TRIM14: variants seen among roughly 807,000 people sequenced by gnomAD.
TRIM14 encodes the protein tripartite motif containing 14.
TRIM14 carries 28 observed loss-of-function variants against 44.5 expected under a neutral mutation model. The observed-to-expected ratio is 0.63, with a 90% CI of 0.47 to 0.86. The LOEUF is 0.86. Ranked by LOEUF, TRIM14 falls within the 40% of genes least tolerant of loss-of-function variation. The pLI, the probability that TRIM14 is intolerant of heterozygous loss-of-function variation, is 0.00. For synonymous variants in TRIM14, 299 were observed against 269.2 expected (o/e 1.11, Z -1.08); for missense variants, 607 against 611.1 (o/e 0.99, Z 0.07).
chr9:98,080,085 G>C (rs1346455503), downstream of TRIM14, among the ~76,000 whole-genome samples: 1 of 152,166 alleles, frequency 6.6e-6, no homozygotes, highest in East Asian at 1.9e-4. Context: ...GTGGTGGCGG[G>C]CACCCATAGT....
At position 98,085,721 on chromosome 9, in the gene TRIM14, G is replaced by A. The variant is rs1825751729; in HGVS notation, c.*1749C>T. On this transcript the variant is annotated 3_prime_UTR_variant, in exon 6 of 6. Coordinates refer to ENST00000341469, the MANE Select transcript of TRIM14 (RefSeq NM_014788.4). The stretch of plus-strand genomic sequence containing the variant: ...TTTAAAGTCTTTGGTTAGAAGTTAA[G>A]GTGTTTGCAAGGTTCTGTCTGCCTG... The A allele has an allele frequency of 6.6e-6, 1 of 152,116 alleles. No homozygotes were observed. Among genetic ancestry groups the A allele is most frequent in the African/African-American group, 2.4e-5 (1 of 41,414 alleles). 9.4% of individuals were successfully genotyped at this position (152,116 alleles called of 1,614,324 possible).
At chr9:98,074,358 CCCAGATAGAGGGAA>C (rs1829486191) in intron 6 of TRIM14, among the ~76,000 whole-genome samples, 1 of 152,076 alleles carries the variant, frequency 6.6e-6, no homozygotes, top group Admixed American at 6.6e-5. Flanking sequence ...TGCATGGAAC[CCCAGATAGAGGGAA>C]CCCGATAGCA....
chr9:98,055,969 A>G, the TRIM14 span, among the ~76,000 whole-genome samples: 1 of 151,642 alleles, frequency 6.6e-6, no homozygotes, highest in Admixed American at 6.6e-5. Flanking sequence ...CGAACTCCTG[A>G]CCTCAGGTGA....
At chr9:98,050,250 T>C in the TRIM14 span, among the ~76,000 whole-genome samples, 19 of 152,220 alleles carry the variant, frequency 1.2e-4, no homozygotes, top group Non-Finnish European at 2.2e-4. Context: ...AGGAGGCAGC[T>C]TTAGGCTAAA....
intron 5 of TRIM14, among the ~76,000 whole-genome samples, chr9:98,091,688 G>A (rs1377690466): frequency 6.6e-5 from 10 of 152,048 alleles, no homozygotes; most frequent in Admixed American, 5.9e-4. Flanking sequence ...GAGGGATTAT[G>A]AGTAACTTTT....
intron 3 of TRIM14, among the ~76,000 whole-genome samples, chr9:98,098,415 G>C (rs1215618272): frequency 6.6e-6 from 1 of 152,132 alleles, no homozygotes; most frequent in South Asian, 2.1e-4. Context: ...GTTCCCTAAA[G>C]ACAGGAACAC....
At chr9:98,040,478 C>T in the TRIM14 span, among the ~76,000 whole-genome samples, 2 of 151,532 alleles carry the variant, frequency 1.3e-5, no homozygotes, top group Non-Finnish European at 2.9e-5. Context: ...AGGGCAGCTG[C>T]ACCTGCTGTC....
chr9:98,065,536 A>G (rs533014950), downstream of TRIM14, among the ~76,000 whole-genome samples: 88 of 114,244 alleles, frequency 7.7e-4, 1 homozygote, highest in Non-Finnish European at 7.4e-4. Context: ...ACGGGGTTTC[A>G]CCATGTTGGC....
intron 1 of TRIM14, among the ~76,000 whole-genome samples, chr9:98,115,185 G>A (rs1352682808): frequency 6.6e-6 from 1 of 151,838 alleles, no homozygotes; most frequent in Non-Finnish European, 1.5e-5. Context: ...TGCCTCCTAG[G>A]TTCAAGCGAT....
the TRIM14 span, among the ~76,000 whole-genome samples, chr9:98,055,811 C>G: frequency 8.6e-5 from 13 of 152,024 alleles, no homozygotes; most frequent in Admixed American, 7.9e-4. Flanking sequence ...GATCTGGGCT[C>G]ACTGCAACCT....
chr9:98,088,206 C>T (rs148396823), intron 5 of TRIM14, among the ~76,000 whole-genome samples: 5 of 152,322 alleles, frequency 3.3e-5, no homozygotes, highest in African/African-American at 1.2e-4. Flanking sequence ...CACTCTGCTG[C>T]ACATCCCTTA....
At chr9:98,075,150 T>G (rs1250255321) in intron 6 of TRIM14, 1 of 137,762 alleles carries the variant, frequency 7.3e-6, no homozygotes, top group Non-Finnish European at 1.6e-5. Context: ...CACAGCAAAT[T>G]AAAAAAAAAA....
chr9:98,111,360 G>T (rs1030365632), intron 1 of TRIM14, among the ~76,000 whole-genome samples: 19 of 151,602 alleles, frequency 1.3e-4, no homozygotes, highest in African/African-American at 3.4e-4. Flanking sequence ...ATCACTTAAG[G>T]CCAGGAGTTT....
At chr9:98,081,645 A>G (rs558477569), downstream of TRIM14, 2 of 152,730 alleles carry the variant, frequency 1.3e-5, no homozygotes, top group East Asian at 1.9e-4. Flanking sequence ...CATGCTGACT[A>G]TCAGGGCTTC....
At chr9:98,056,483 G>A in the TRIM14 span, among the ~76,000 whole-genome samples, 1 of 151,096 alleles carries the variant, frequency 6.6e-6, no homozygotes, top group Non-Finnish European at 1.5e-5. Flanking sequence ...GGGAATGCTT[G>A]CTCCTGGGTG....
At chr9:98,080,235 A>G (rs1829793615), downstream of TRIM14, among the ~76,000 whole-genome samples, 1 of 152,182 alleles carries the variant, frequency 6.6e-6, no homozygotes, top group Non-Finnish European at 1.5e-5. Flanking sequence ...ATAAATAACA[A>G]TAAAATAATA....
At chr9:98,111,498 C>G (rs1411346363) in intron 1 of TRIM14, among the ~76,000 whole-genome samples, 1 of 152,124 alleles carries the variant, frequency 6.6e-6, no homozygotes, top group Non-Finnish European at 1.5e-5. Context: ...GGATGACATT[C>G]ACAGGCTATA....
chr9:98,118,891 G>A (rs1587983492), intron 1 of TRIM14, 91 bp downstream of exon 1: 1 of 1,353,866 alleles, frequency 7.4e-7, no homozygotes, highest in Non-Finnish European at 9.6e-7. Context: ...CCCGCCACTG[G>A]CCACGGCCAG....
At chr9:98,117,488 G>A (rs147010307) in intron 1 of TRIM14, among the ~76,000 whole-genome samples, 95 of 152,048 alleles carry the variant, frequency 6.2e-4, no homozygotes, top group South Asian at 4.8e-3. Flanking sequence ...TAATAGAGAC[G>A]GGGTTTCCCC....
Sources: allele counts gnomAD v4.1 joint callset (sites outside exome capture counted in the v4.1 genomes callset), GRCh38; gene constraint gnomAD v4.1.1; transcripts MANE v1.5; gene names NCBI Gene and HGNC (gene_info 2026-07-23, HGNC 2026-07-21).